The following DNAH5 variants were observed in gnomAD, a reference collection of about 807,000 sequenced individuals.
DNAH5 encodes axonemal beta dynein heavy chain 5.
Under a neutral mutation model 518.2 loss-of-function variants are expected in DNAH5, and 372 were observed. The ratio of observed to expected loss-of-function variants is 0.72; its 90% CI spans 0.66 to 0.78. DNAH5 has a LOEUF of 0.78. Among genes scored for constraint, DNAH5 ranks in the 30% least tolerant of loss-of-function variants. The pLI, the probability that DNAH5 is intolerant of heterozygous loss-of-function variation, is 0.00. For synonymous variants in DNAH5, 2,039 were observed against 2,025.9 expected (o/e 1.01, Z -0.17); for missense variants, 5,523 against 5,687.0 (o/e 0.97, Z 0.93).
At chr5:13,753,621 A>C in intron 62 of DNAH5, 72 bp from the exon 63 acceptor site, 1 of 1,310,882 alleles carries the variant, frequency 7.6e-7, no homozygotes, top group Non-Finnish European at 1.1e-6. Context: ...ATTAAAAATG[A>C]AAAAAATTAA....
intron 1 of DNAH5, among the ~76,000 whole-genome samples, chr5:13,961,586 G>A (rs1781182381): frequency 1.3e-5 from 2 of 152,196 alleles, no homozygotes; most frequent in Admixed American, 6.5e-5. Flanking sequence ...AGAGGTTGCA[G>A]TGAGCCAAGA....
At chr5:13,791,965 T>C in intron 50 of DNAH5, 29 bp downstream of exon 50, 1 of 1,537,428 alleles carries the variant, frequency 6.5e-7, no homozygotes, top group Non-Finnish European at 9.0e-7. Context: ...AGCAATGTTA[T>C]TTGTTTTTCT....
In DNAH5 at chr5:13,719,035, T is replaced by C. The variant is rs34920399; in HGVS notation, c.12346A>G (p.Ile4116Val). 4.2e-4 allele frequency: 673 copies of C among 1,614,138 alleles called. 2 individuals are homozygous for C. The African/African-American group carries it at 8.1e-3, about 19-fold the overall frequency. ...LDFMDELMDIIIETELVHDAF... is the reference protein window; with the variant it reads ...LDFMDELMDIVIETELVHDAF... ...TCATGTACAAGCTCAGTTTCTATGA[T>C]TATGTCCATCAGCTCATCCATGAAA... is the stretch of plus-strand genomic sequence containing the variant. Residue 4116 changes from isoleucine (I) to valine (V), a missense_variant, in exon 72 of 79, where the codon ATC becomes GTC. Around this residue, in one of 3 missense-constraint regions of DNAH5, gnomAD observed 5,121 missense variants for 5,223.3 expected, o/e 0.98. Coordinates refer to ENST00000265104, the MANE Select transcript of DNAH5 (RefSeq NM_001369.3).
intron 7 of DNAH5, among the ~76,000 whole-genome samples, chr5:13,917,609 C>T (rs891354201): frequency 1.3e-5 from 2 of 152,210 alleles, no homozygotes; most frequent in African/African-American, 4.8e-5. Context: ...TCTATTCTAA[C>T]CTGAACTCCC....
intron 63 of DNAH5, among the ~76,000 whole-genome samples, chr5:13,752,773 T>C (rs925765172): frequency 1.3e-5 from 2 of 152,246 alleles, no homozygotes; most frequent in African/African-American, 2.4e-5. Flanking sequence ...CTTGGTGAAA[T>C]TGTAAAGAAG....
chr5:13,891,905 G>A (rs77854614), intron 16 of DNAH5, among the ~76,000 whole-genome samples: 2,330 of 152,138 alleles, frequency 0.015, 64 homozygotes, highest in African/African-American at 0.052. Context: ...ATTACTAATG[G>A]ATATCCATCT....
chr5:13,694,489 C>A (rs1445693), intron 78 of DNAH5, among the ~76,000 whole-genome samples: 75,993 of 152,020 alleles, frequency 0.5, 19,346 homozygotes, highest in Non-Finnish European at 0.54. Flanking sequence ...GAACAAATCA[C>A]CTAAGTATGT....
chr5:13,883,292 C>CA (rs1229939486), intron 19 of DNAH5, among the ~76,000 whole-genome samples, 198 bp from the exon 20 acceptor site: 5 of 151,922 alleles, frequency 3.3e-5, no homozygotes, highest in African/African-American at 1.2e-4. Context: ...GAACCCAAGG[C>CA]ATTTTTTGCT....
At chr5:13,842,475 GAA>G (rs1410696631) in intron 32 of DNAH5, among the ~76,000 whole-genome samples, 1 of 112,932 alleles carries the variant, frequency 8.9e-6, no homozygotes, top group African/African-American at 3.7e-5. Flanking sequence ...AAGAAAGAAA[GAA>G]AGAAAGAGAA....
At chr5:13,960,858 A>G (rs1283246043) in intron 1 of DNAH5, among the ~76,000 whole-genome samples, 1 of 152,180 alleles carries the variant, frequency 6.6e-6, no homozygotes. Context: ...GCCCACTTCC[A>G]TGGGGTCATC....
chr5:13,967,548 C>T (rs1003953112), intron 1 of DNAH5, among the ~76,000 whole-genome samples: 3 of 152,152 alleles, frequency 2.0e-5, no homozygotes, highest in Non-Finnish European at 4.4e-5. Context: ...CCTATTTTTA[C>T]ACCAGTACCA....
At position 13,721,624 on chromosome 5, in the gene DNAH5, C is replaced by G. The variant is rs73749929; in HGVS notation, c.12034-379G>C. ...AAATAATCAAGTAAGCAACACAATACCTAGAATGTAATGGGTACTGATTAA... is the reference window on the plus strand; with the variant it reads ...AAATAATCAAGTAAGCAACACAATAGCTAGAATGTAATGGGTACTGATTAA... On this transcript the variant is annotated intron_variant, in intron 70 of 78. Coordinates refer to ENST00000265104, the MANE Select transcript of DNAH5 (RefSeq NM_001369.3). 9.1e-3 allele frequency among the ~76,000 whole-genome samples: 1,385 copies of G among 152,190 alleles called. 21 individuals are homozygous for G. Among genetic ancestry groups the G allele is most frequent in the African/African-American group, 0.032 (1,314 of 41,514 alleles).
At position 13,769,665 on chromosome 5, in the gene DNAH5, T is replaced by G. The variant is rs774161591; in HGVS notation, c.9606-50A>C. On this transcript the variant is annotated intron_variant, in intron 56 of 78. Coordinates refer to ENST00000265104, the MANE Select transcript of DNAH5 (RefSeq NM_001369.3). ...AATGTTAAAATGTGTAGGACTTGGA[T>G]GCAATTCTCAAGTACTGGTCCAATA... 6.8e-6 allele frequency: 10 copies of G among 1,463,216 alleles called. No homozygotes were observed. In the East Asian group the frequency reaches 2.3e-4, roughly 33 times the overall value. The allele number at this position is 1,463,216 out of a possible 1,614,324, so 90.6% of individuals were successfully genotyped here.
At chr5:13,728,516 T>C (rs1349839797) in intron 69 of DNAH5, among the ~76,000 whole-genome samples, 1 of 152,132 alleles carries the variant, frequency 6.6e-6, no homozygotes, top group Non-Finnish European at 1.5e-5. Flanking sequence ...TAAGATATCA[T>C]CTCCAGAAGG....
At chr5:13,856,157 CGAAGGAGATAG>C (rs1193008827) in intron 30 of DNAH5, among the ~76,000 whole-genome samples, 2 of 151,722 alleles carry the variant, frequency 1.3e-5, no homozygotes, top group Non-Finnish European at 2.9e-5. Context: ...AGAGCAGAAC[CGAAGGAGATAG>C]AGACATGAAA....
At chr5:13,928,034 G>T in intron 3 of DNAH5, 60 bp downstream of exon 3, 1 of 1,435,358 alleles carries the variant, frequency 7.0e-7, no homozygotes, top group Non-Finnish European at 9.8e-7. Flanking sequence ...TCTTCTTCAA[G>T]CTACCCTCAG....
chr5:13,963,863 GT>G (rs1170885982), intron 1 of DNAH5, among the ~76,000 whole-genome samples: 2 of 151,964 alleles, frequency 1.3e-5, no homozygotes, highest in Non-Finnish European at 2.9e-5. Flanking sequence ...TAATTTTTAT[GT>G]TTTTTTGTAG....
intron 65 of DNAH5, among the ~76,000 whole-genome samples, chr5:13,740,970 C>T (rs1392682033): frequency 1.3e-5 from 2 of 152,214 alleles, no homozygotes; most frequent in Non-Finnish European, 2.9e-5. Context: ...TTGATAAATT[C>T]CTAAATTAGT....
At chr5:13,862,944 G>C (rs1284916948) in intron 28 of DNAH5, among the ~76,000 whole-genome samples, 197 bp from the exon 29 acceptor site, 2 of 151,586 alleles carry the variant, frequency 1.3e-5, no homozygotes, top group Non-Finnish European at 2.9e-5. Context: ...GAAGAGAGAT[G>C]GAGATAAAGA....
Sources: allele counts gnomAD v4.1 joint callset (sites outside exome capture counted in the v4.1 genomes callset), GRCh38; gene constraint gnomAD v4.1.1; regional missense constraint gnomAD v4.1.1; transcripts MANE v1.5; gene names NCBI Gene and HGNC (gene_info 2026-07-23, HGNC 2026-07-21).